Variants in MYO1D observed in about 807,000 individuals in gnomAD.
The protein encoded by MYO1D is myosin ID, also known as unconventional myosin-Id.
MYO1D carries 83 observed loss-of-function variants against 122.0 expected under a neutral mutation model. The ratio of observed to expected loss-of-function variants is 0.68; its 90% confidence interval spans 0.57 to 0.82. The LOEUF (loss-of-function observed/expected upper bound fraction) is 0.82, where lower values mean the gene tolerates loss of function less well. MYO1D is among the 40% of genes least tolerant of loss of function. The pLI is 0.00. For missense variants in MYO1D, 1,157 were observed against 1,269.5 expected, an observed-to-expected ratio of 0.91 and a Z score of 1.35; for synonymous variants, 464 against 446.9, an observed-to-expected ratio of 1.04 and a Z score of -0.48.
Position 32,835,219 on chromosome 17 carries a change from T to C in MYO1D, c.95+41559A>G, listed in dbSNP as rs544416641. On this transcript the variant is annotated intron_variant, in intron 1 of 21. Transcript: ENST00000318217. ...GTTTTGCCAGATACCATACCCTGCC[T>C]GGCTGCTTGGCAAATACCCATTAAT... Among the ~76,000 whole-genome samples the C allele has an allele frequency of 5.3e-5, 8 of 151,882 alleles. No individual in the cohort carries two copies. In the South Asian group the frequency reaches 1.7e-3, roughly 32 times the overall value.
At chr17:32,844,624 C>T (rs780042895) in intron 1 of MYO1D, among the ~76,000 whole-genome samples, 1 of 151,662 alleles carries the variant, frequency 6.6e-6, no homozygotes, top group Non-Finnish European at 1.5e-5. Flanking sequence ...TACAGAGTTA[C>T]TAAGGCAGGA....
intron 21 of MYO1D, among the ~76,000 whole-genome samples, chr17:32,595,883 G>T (rs1218887639): frequency 6.6e-6 from 1 of 152,156 alleles, no homozygotes; most frequent in Admixed American, 6.5e-5. Flanking sequence ...GTGGGACAGG[G>T]TGAATTGCTA....
rs1189942778 is a variant in MYO1D at position 32,721,112 on chromosome 17, G to C, written c.1824C>G (p.His608Gln). The C allele has an allele frequency of 1.2e-6, 2 of 1,613,938 alleles. No homozygotes were observed. The highest frequency in any genetic ancestry group is 4.5e-5 in the East Asian group (2 of 44,866). Reference protein sequence around the residue: ...PQIFDDERCRHQVEYLGLLEN... With the variant: ...PQIFDDERCRQQVEYLGLLEN... Reference sequence around the variant, plus strand: ...CCAGTAGTCCAAGATATTCTACTTGGTGCCGGCAGCGTTCATCATCAAATA... The same window carrying C: ...CCAGTAGTCCAAGATATTCTACTTGCTGCCGGCAGCGTTCATCATCAAATA... The change falls in exon 15 of 22, where the codon CAC becomes CAG. Residue 608 changes from histidine (H) to glutamine (Q), a missense_variant. Physicochemically the swap from His to Gln is conservative, Grantham distance 24. Coordinates refer to ENST00000318217, the MANE Select transcript of MYO1D (RefSeq NM_015194.3).
At chr17:32,641,934 A>G (rs1177719465) in intron 19 of MYO1D, among the ~76,000 whole-genome samples, 3 of 152,132 alleles carry the variant, frequency 2.0e-5, no homozygotes, top group African/African-American at 7.2e-5. Context: ...TCTTTAGTTT[A>G]ATTAGATCCC....
chr17:32,524,240 T>C (rs1244739861), intron 21 of MYO1D, among the ~76,000 whole-genome samples: 1 of 152,242 alleles, frequency 6.6e-6, no homozygotes, highest in Non-Finnish European at 1.5e-5. Flanking sequence ...TTTGCTTTTG[T>C]CTTTGGTGGA....
chr17:32,519,347 G>C (rs1475978767), intron 21 of MYO1D: 1 of 152,704 alleles, frequency 6.5e-6, no homozygotes, highest in African/African-American at 2.4e-5. Flanking sequence ...GCGGAGCGCA[G>C]GAAGGGCGGC....
intron 20 of MYO1D, among the ~76,000 whole-genome samples, chr17:32,612,826 T>C (rs1386437507): frequency 3.3e-5 from 5 of 151,960 alleles, no homozygotes; most frequent in Non-Finnish European, 5.9e-5. Context: ...TGGAGTGCAG[T>C]GGCACGATCT....
chr17:32,625,997 T>G (rs779504637), intron 20 of MYO1D, among the ~76,000 whole-genome samples: 1 of 152,202 alleles, frequency 6.6e-6, no homozygotes, highest in Admixed American at 6.5e-5. Flanking sequence ...CCTGGGCAGA[T>G]TGCTTCACCT....
intron 9 of MYO1D, 32 bp downstream of exon 9, chr17:32,760,450 C>A (rs776025723): frequency 3.7e-6 from 6 of 1,605,662 alleles, no homozygotes; most frequent in Admixed American, 3.4e-5. Flanking sequence ...AGAAAACAGG[C>A]AACAAGGTTT....
At chr17:32,707,445 T>C (rs1166885484) in intron 16 of MYO1D, among the ~76,000 whole-genome samples, 1 of 152,206 alleles carries the variant, frequency 6.6e-6, no homozygotes, top group African/African-American at 2.4e-5. Context: ...ATTAAAACCA[T>C]ATATACTCTT....
chr17:32,861,105 G>C (rs2091070656), intron 1 of MYO1D, among the ~76,000 whole-genome samples: 1 of 138,642 alleles, frequency 7.2e-6, no homozygotes, highest in Admixed American at 7.7e-5. Context: ...GTCTCGCTCT[G>C]TTGCCCAGGC....
rs1295679736 is a variant in MYO1D, at chr17:32,712,003, G to T, written c.2106C>A (p.Val702=). Residue 702 remains valine, a synonymous_variant, in exon 16 of 22, where the codon GTC becomes GTA. Transcript: ENST00000318217. ...ELRAQMLIRI[V]LFLQKVWRGT... ...ATAAAATTACCTTTTGTAGAAAGAG[G>T]ACAATCCTTATGAGCATCTGGGCAC... 2 of 1,613,364 alleles carry T rather than the reference G, an allele frequency of 1.2e-6. No homozygotes were observed. Among genetic ancestry groups the T allele is most frequent in the African/African-American group, 2.7e-5 (2 of 74,850 alleles).
intron 21 of MYO1D, among the ~76,000 whole-genome samples, chr17:32,580,289 A>ATTTTTTTTTTTTTTTT (rs71144843): frequency 2.6e-5 from 1 of 39,118 alleles, no homozygotes; most frequent in Non-Finnish European, 4.3e-5. Context: ...TGCTAAGAGG[A>ATTTTTTTTTTTTTTTT]TTTTTTTTTT....
At chr17:32,828,745 T>C (rs1334056379) in intron 1 of MYO1D, among the ~76,000 whole-genome samples, 1 of 152,188 alleles carries the variant, frequency 6.6e-6, no homozygotes, top group East Asian at 1.9e-4. Context: ...CTAACCTATT[T>C]TGAATGCCTG....
intron 1 of MYO1D, among the ~76,000 whole-genome samples, chr17:32,874,704 C>T (rs1457461966): frequency 6.6e-6 from 1 of 152,044 alleles, no homozygotes; most frequent in African/African-American, 2.4e-5. Flanking sequence ...GGGAGGATTG[C>T]TTGAGGCCAG....
At chr17:32,733,133 G>A (rs1444159524) in intron 14 of MYO1D, among the ~76,000 whole-genome samples, 2 of 152,174 alleles carry the variant, frequency 1.3e-5, no homozygotes, top group Non-Finnish European at 2.9e-5. Context: ...GGCAAGTGTG[G>A]AATCCAGGCT....
intron 21 of MYO1D, among the ~76,000 whole-genome samples, chr17:32,530,739 T>G (rs1235016219): frequency 6.6e-6 from 1 of 152,088 alleles, no homozygotes; most frequent in East Asian, 1.9e-4. Context: ...AGTTTGAGGT[T>G]GTAGTGAGCT....
intron 1 of MYO1D, among the ~76,000 whole-genome samples, chr17:32,875,380 C>T (rs752515851): frequency 2.0e-5 from 3 of 152,160 alleles, no homozygotes; most frequent in Non-Finnish European, 4.4e-5. Flanking sequence ...AGGCACTAAT[C>T]TTTGAAGTAT....
intron 15 of MYO1D, among the ~76,000 whole-genome samples, chr17:32,713,718 C>G (rs2089407999): frequency 6.6e-6 from 1 of 152,114 alleles, no homozygotes; most frequent in South Asian, 2.1e-4. Flanking sequence ...ACCCCCGCCT[C>G]CCGGTCCAAG....
Sources: gnomAD v4.1 joint callset for allele counts (sites outside exome capture counted in the v4.1 genomes callset) on GRCh38, gnomAD v4.1.1 for gene constraint, MANE v1.5 for transcripts, NCBI Gene and HGNC (gene_info 2026-07-23, HGNC 2026-07-21) for gene names.